ST6GALNAC5: variants seen among roughly 807,000 people sequenced by gnomAD.
ST6GALNAC5 encodes alpha-N-acetylgalactosaminide alpha-2,6-sialyltransferase 5.
A neutral mutation model predicts 33.6 loss-of-function variants in ST6GALNAC5; 27 were observed. The observed-to-expected ratio is 0.80, with a 90% confidence interval of 0.59 to 1.11. The LOEUF is 1.11. ST6GALNAC5 is among the 50% of genes least tolerant of loss of function. ST6GALNAC5 has a pLI of 0.00. For synonymous variants in ST6GALNAC5, 194 were observed against 171.2 expected (o/e 1.13, Z -1.04); for missense variants, 428 against 454.0 (o/e 0.94, Z 0.52).
At chr1:76,916,684 G>A (rs1646978320) in intron 2 of ST6GALNAC5, among the ~76,000 whole-genome samples, 1 of 151,822 alleles carries the variant, frequency 6.6e-6, no homozygotes, top group African/African-American at 2.4e-5. Flanking sequence ...AATCTAGACG[G>A]TGTGTCATAA....
chr1:76,909,152 A>G (rs1646889198), intron 2 of ST6GALNAC5, among the ~76,000 whole-genome samples: 1 of 152,132 alleles, frequency 6.6e-6, no homozygotes, highest in African/African-American at 2.4e-5. Context: ...TCTTACCTGT[A>G]AGACATTAGG....
At chr1:77,031,435 G>C (rs942498913) in intron 2 of ST6GALNAC5, among the ~76,000 whole-genome samples, 2 of 152,178 alleles carry the variant, frequency 1.3e-5, no homozygotes, top group Non-Finnish European at 2.9e-5. Flanking sequence ...GAGAACCAGA[G>C]CATCAACACT....
chr1:76,948,587 C>CAGAGAGAGAGAG (rs60959607), intron 2 of ST6GALNAC5, among the ~76,000 whole-genome samples: 1,531 of 129,656 alleles, frequency 0.012, 27 homozygotes, highest in Non-Finnish European at 0.015. Flanking sequence ...GGAGTGGGGA[C>CAGAGAGAGAGAG]AGAGAGAGAG....
chr1:77,005,197 G>A (rs372487136), intron 2 of ST6GALNAC5, among the ~76,000 whole-genome samples: 18 of 152,342 alleles, frequency 1.2e-4, no homozygotes, highest in Middle Eastern at 3.4e-3. Flanking sequence ...CTGGTGGTGC[G>A]CCATTTTTTA....
chr1:76,913,726 A>G (rs1468471191), intron 2 of ST6GALNAC5, among the ~76,000 whole-genome samples: 1 of 152,072 alleles, frequency 6.6e-6, no homozygotes, highest in African/African-American at 2.4e-5. Flanking sequence ...CCAAACCCAC[A>G]GGCAATATCA....
chr1:76,930,455 T>C (rs1647128984), intron 2 of ST6GALNAC5, among the ~76,000 whole-genome samples: 1 of 152,124 alleles, frequency 6.6e-6, no homozygotes, highest in South Asian at 2.1e-4. Context: ...GTAGCAATTG[T>C]AGACTGACAT....
At chr1:77,031,863 C>T (rs768889439) in intron 2 of ST6GALNAC5, among the ~76,000 whole-genome samples, 1 of 152,092 alleles carries the variant, frequency 6.6e-6, no homozygotes, top group Non-Finnish European at 1.5e-5. Flanking sequence ...TCTTCAGAAC[C>T]TTGCAACTTT....
At chr1:76,882,790 C>T (rs1653809929) in intron 2 of ST6GALNAC5, among the ~76,000 whole-genome samples, 1 of 152,132 alleles carries the variant, frequency 6.6e-6, no homozygotes, top group Non-Finnish European at 1.5e-5. Flanking sequence ...TTTCCTATGG[C>T]TTCCCATTGC....
chr1:76,903,240 G>A (rs959363926), intron 2 of ST6GALNAC5, among the ~76,000 whole-genome samples: 4 of 152,008 alleles, frequency 2.6e-5, no homozygotes, highest in Non-Finnish European at 4.4e-5. Context: ...CTCAATAGAC[G>A]TATCTCCATA....
At chr1:76,957,014 C>T (rs1648027765) in intron 2 of ST6GALNAC5, among the ~76,000 whole-genome samples, 1 of 152,114 alleles carries the variant, frequency 6.6e-6, no homozygotes, top group Non-Finnish European at 1.5e-5. Flanking sequence ...TTTTACCCAA[C>T]TTGTAATTTT....
At position 77,063,269 on chromosome 1, in the gene ST6GALNAC5, T is replaced by G; in HGVS notation, c.*63T>G. ...TGCATCAGACACCGAGACACTGAAC[T>G]TCCTGAGCCACCAGACAGGAAAGGG... On this transcript the variant is annotated 3_prime_UTR_variant, in exon 5 of 5. Coordinates refer to ENST00000477717, the MANE Select transcript of ST6GALNAC5 (RefSeq NM_030965.3). The G allele has an allele frequency of 6.8e-7, 1 of 1,468,272 alleles. No individual in the cohort carries two copies. Among genetic ancestry groups the G allele is most frequent in the Non-Finnish European group, 9.4e-7 (1 of 1,058,230 alleles). 91.0% of individuals were successfully genotyped at this position (1,468,272 alleles called of 1,614,324 possible).
chr1:76,878,753 C>T (rs1258710829), intron 2 of ST6GALNAC5, among the ~76,000 whole-genome samples: 2 of 152,084 alleles, frequency 1.3e-5, no homozygotes, highest in Non-Finnish European at 2.9e-5. Context: ...AGTCTTTTGT[C>T]CATTTGACTT....
At chr1:76,903,627 A>G (rs988988722) in intron 2 of ST6GALNAC5, among the ~76,000 whole-genome samples, 14 of 152,244 alleles carry the variant, frequency 9.2e-5, no homozygotes, top group Admixed American at 9.2e-4. Context: ...CATAAGGTAG[A>G]AACCTAAATG....
At chr1:76,941,564 A>T (rs916117695) in intron 2 of ST6GALNAC5, among the ~76,000 whole-genome samples, 1 of 152,210 alleles carries the variant, frequency 6.6e-6, no homozygotes, top group African/African-American at 2.4e-5. Flanking sequence ...GGCTCTTCAA[A>T]TGAGATTATC....
At chr1:76,877,833 G>T (rs1217365276) in intron 2 of ST6GALNAC5, among the ~76,000 whole-genome samples, 1 of 152,224 alleles carries the variant, frequency 6.6e-6, no homozygotes, top group Non-Finnish European at 1.5e-5. Flanking sequence ...GACAGTAAAG[G>T]TATATTCCTG....
At chr1:77,005,622 G>T (rs1431889412) in intron 2 of ST6GALNAC5, among the ~76,000 whole-genome samples, 2 of 152,114 alleles carry the variant, frequency 1.3e-5, no homozygotes, top group African/African-American at 4.8e-5. Context: ...TCACATTGTT[G>T]TGCAACCAAT....
intron 2 of ST6GALNAC5, among the ~76,000 whole-genome samples, chr1:76,950,991 A>C (rs1647720213): frequency 1.3e-5 from 2 of 152,136 alleles, no homozygotes; most frequent in South Asian, 4.1e-4. Flanking sequence ...CAAAAAAAAA[A>C]ATAGAAAAGC....
chr1:76,992,148 G>A (rs926835395), intron 2 of ST6GALNAC5, among the ~76,000 whole-genome samples: 4 of 151,940 alleles, frequency 2.6e-5, no homozygotes, highest in African/African-American at 7.3e-5. Context: ...CATGGTTAAG[G>A]CACATAGCTC....
chr1:76,930,724 G>A (rs563905475), intron 2 of ST6GALNAC5, among the ~76,000 whole-genome samples: 2 of 152,260 alleles, frequency 1.3e-5, no homozygotes, highest in African/African-American at 2.4e-5. Context: ...ATGTTACAGA[G>A]TGGATTCTTT....
Sources: allele counts gnomAD v4.1 joint callset (sites outside exome capture counted in the v4.1 genomes callset), GRCh38; gene constraint gnomAD v4.1.1; transcripts MANE v1.5; gene names NCBI Gene and HGNC (gene_info 2026-07-23, HGNC 2026-07-21).